Variants in SKP1 observed in about 807,000 individuals in gnomAD.
SKP1 encodes the protein S-phase kinase-associated protein 1.
Under a neutral mutation model 21.5 loss-of-function variants are expected in SKP1, and 1 was observed. The ratio of observed to expected loss-of-function variants is 0.05; its 90% confidence interval spans 0.02 to 0.22. SKP1 has a LOEUF of 0.22. Among genes scored for constraint, SKP1 ranks in the 10% least tolerant of loss-of-function variants. The pLI is 1.00. For synonymous variants in SKP1, 59 were observed against 59.3 expected, an observed-to-expected ratio of 0.99 and a Z score of 0.03; for missense variants, 70 against 192.0, an observed-to-expected ratio of 0.36 and a Z score of 3.76.
rs144001408 is a variant in SKP1 at position 134,149,407 on chromosome 5, T to C, written c.*8326A>G. 87 of 152,332 alleles carry C rather than the reference T, an allele frequency of 5.7e-4. No individual in the cohort carries two copies. The highest frequency in any genetic ancestry group is 2.0e-3 in the African/African-American group (82 of 41,566). The allele number at this position is 152,332 out of a possible 1,614,324, so 9.4% of individuals were successfully genotyped here. ...AAAAGGTGTCATGAAGGCACCTCAATAGGTCAGTCAACAAGTAGATGATAC... is the reference window on the plus strand; with the variant it reads ...AAAAGGTGTCATGAAGGCACCTCAACAGGTCAGTCAACAAGTAGATGATAC... On this transcript the variant is annotated 3_prime_UTR_variant, in exon 6 of 6. Transcript: ENST00000353411.
intron 3 of SKP1, 198 bp from the exon 4 acceptor site, chr5:134,161,328 A>G: frequency 2.1e-6 from 1 of 480,694 alleles, no homozygotes; most frequent in Non-Finnish European, 3.7e-6. Flanking sequence ...ATTAGATAAA[A>G]GCAAGCCATG....
intron 2 of SKP1, 130 bp downstream of exon 2, chr5:134,173,796 A>C (rs1377453483): frequency 1.4e-6 from 1 of 718,030 alleles, no homozygotes; most frequent in East Asian, 2.7e-5. Context: ...GTTATAAAGA[A>C]AAAAATGTAA....
rs991084537 is a variant in SKP1, at chr5:134,154,836, TAGAG to T, written c.*2893_*2896del. 6.6e-6 allele frequency: 1 copy of T among 152,184 alleles called. No individual in the cohort carries two copies. Among genetic ancestry groups the T allele is most frequent in the Non-Finnish European group, 1.5e-5 (1 of 68,030 alleles). The allele number at this position is 152,184 out of a possible 1,614,324, so 9.4% of individuals were successfully genotyped here. A position where few individuals can be genotyped will look rare whatever the true frequency, so the allele number is the denominator to read the frequency against. ...TTTCCTTTACTACTATAACAGTAAT[TAGAG>T]AAAGTCTTCATAATTCATCAGTAAC... On this transcript the variant is annotated 3_prime_UTR_variant, in exon 6 of 6. Transcript: ENST00000353411.
Position 134,153,658 on chromosome 5 carries a change from TC to T in SKP1, c.*4074del, listed in dbSNP as rs1489198087. 6.6e-6 allele frequency: 1 copy of T among 152,228 alleles called. No homozygotes were observed. Among genetic ancestry groups the T allele is most frequent in the Non-Finnish European group, 1.5e-5 (1 of 68,038 alleles). The allele number at this position is 152,228 out of a possible 1,614,324, so 9.4% of individuals were successfully genotyped here. A position where few individuals can be genotyped will look rare whatever the true frequency, so the allele number is the denominator to read the frequency against. On this transcript the variant is annotated 3_prime_UTR_variant, in exon 6 of 6. Coordinates refer to ENST00000353411, the MANE Select transcript of SKP1 (RefSeq NM_170679.3). ...CTGCTGCTCTCTCAATTTTCTCTTT[TC>T]TGGTGGAAAATCACCTTATATTCCC...
Position 134,176,915 on chromosome 5 carries a change from A to C in SKP1, c.-61T>G, listed in dbSNP as rs920432362. On this transcript the variant is annotated 5_prime_UTR_variant, in exon 1 of 6. Transcript: ENST00000353411. ...TGACGAGAGCCGGGAGGCGTTAGCG[A>C]AGGAAGAGAAAAACCGAAGACGAAG... The C allele has an allele frequency of 6.5e-6, 1 of 152,802 alleles. No homozygotes were observed. The highest frequency in any genetic ancestry group is 2.4e-5 in the African/African-American group (1 of 41,462). The allele number at this position is 152,802 out of a possible 1,614,324, so 9.5% of individuals were successfully genotyped here. A position where few individuals can be genotyped will look rare whatever the true frequency, so the allele number is the denominator to read the frequency against.
rs934960898 is a variant in SKP1, at chr5:134,155,701, T to C, written c.*2032A>G. ...GTGGTAATAACAAGCTCCAGTTTCT[T>C]AGAAGGTGATACTTCCTTTACAAGT... On this transcript the variant is annotated 3_prime_UTR_variant, in exon 6 of 6. Coordinates refer to ENST00000353411, the MANE Select transcript of SKP1 (RefSeq NM_170679.3). The C allele has an allele frequency of 1.3e-5, 2 of 152,238 alleles. No homozygotes were observed. The highest frequency in any genetic ancestry group is 2.9e-5 in the Non-Finnish European group (2 of 68,040). 9.4% of individuals were successfully genotyped at this position (152,238 alleles called of 1,614,324 possible). A position where few individuals can be genotyped will look rare whatever the true frequency, so the allele number is the denominator to read the frequency against.
At chr5:134,173,149 A>G (rs561237404) in intron 2 of SKP1, among the ~76,000 whole-genome samples, 3 of 152,112 alleles carry the variant, frequency 2.0e-5, no homozygotes, top group South Asian at 4.2e-4. Context: ...CCTGACCAAC[A>G]TGGAGAAACC....
chr5:134,158,143 G>A, intron 5 of SKP1: 1 of 1,373,798 alleles, frequency 7.3e-7, no homozygotes, highest in Non-Finnish European at 9.4e-7. Flanking sequence ...TCTCTCTAGG[G>A]CCTGCTTTTC....
intron 4 of SKP1, among the ~76,000 whole-genome samples, 165 bp downstream of exon 4, chr5:134,160,822 A>G (rs1761207013): frequency 6.6e-6 from 1 of 152,224 alleles, no homozygotes; most frequent in South Asian, 2.1e-4. Context: ...AACTGTGTTT[A>G]GACCATTTAC....
chr5:134,160,687 A>G (rs1761203724), intron 4 of SKP1, among the ~76,000 whole-genome samples: 1 of 152,108 alleles, frequency 6.6e-6, no homozygotes, highest in African/African-American at 2.4e-5. Context: ...CTTTCTTTTG[A>G]TTCGTGTTAG....
At chr5:134,158,153 C>T (rs1037161444) in intron 5 of SKP1, 11 of 1,377,786 alleles carry the variant, frequency 8.0e-6, no homozygotes, top group Non-Finnish European at 8.5e-6. Context: ...GCCTGCTTTT[C>T]TGATGTCAGA....
At chr5:134,164,191 G>A (rs897958900) in intron 3 of SKP1, among the ~76,000 whole-genome samples, 7 of 151,642 alleles carry the variant, frequency 4.6e-5, no homozygotes, top group Non-Finnish European at 7.4e-5. Flanking sequence ...GCGTGGTGGC[G>A]CGCGCCTGTA....
intron 4 of SKP1, among the ~76,000 whole-genome samples, chr5:134,160,310 T>A (rs1453259551): frequency 1.3e-5 from 2 of 152,086 alleles, no homozygotes; most frequent in East Asian, 3.9e-4. Context: ...TGAGCCAAAA[T>A]CATGCCACTG....
At chr5:134,157,807 T>C (rs1329473875) in intron 5 of SKP1, 39 bp from the exon 6 acceptor site, 25 of 1,611,650 alleles carry the variant, frequency 1.6e-5, no homozygotes, top group Non-Finnish European at 2.1e-5. Flanking sequence ...TTAACTTGAG[T>C]AGTCTTTCCT....
At chr5:134,172,593 G>A (rs1357073237) in intron 2 of SKP1, among the ~76,000 whole-genome samples, 2 of 150,754 alleles carry the variant, frequency 1.3e-5, no homozygotes, top group African/African-American at 4.9e-5. Context: ...AAAAAATTCT[G>A]CCTGGCAGAG....
intron 5 of SKP1, chr5:134,158,056 T>A (rs980292412): frequency 6.9e-7 from 1 of 1,456,730 alleles, no homozygotes; most frequent in African/African-American, 1.4e-5. Flanking sequence ...TCTGTAGTCA[T>A]GTCAACAAAA....
intron 3 of SKP1, among the ~76,000 whole-genome samples, chr5:134,164,881 GACA>G (rs1347739988): frequency 6.6e-6 from 1 of 152,158 alleles, no homozygotes; most frequent in Non-Finnish European, 1.5e-5. Context: ...AAGCTCATTA[GACA>G]ACAACATGGA....
Position 134,150,844 on chromosome 5 carries a change from A to G in SKP1, c.*6889T>C, listed in dbSNP as rs1761032343. 1 of 152,212 alleles carries G rather than the reference A, an allele frequency of 6.6e-6. No homozygotes were observed. The highest frequency in any genetic ancestry group is 6.5e-5 in the Admixed American group (1 of 15,284). The allele number at this position is 152,212 out of a possible 1,614,324, so 9.4% of individuals were successfully genotyped here. On this transcript the variant is annotated 3_prime_UTR_variant, in exon 6 of 6. Coordinates refer to ENST00000353411, the MANE Select transcript of SKP1 (RefSeq NM_170679.3). ...TACTAACAAACCATTACTGGCAGTGAGCATCTGAAAATACTCAAAACGGCA... is the reference window on the plus strand; with the variant it reads ...TACTAACAAACCATTACTGGCAGTGGGCATCTGAAAATACTCAAAACGGCA...
chr5:134,170,765 T>A (rs902278540), intron 2 of SKP1, among the ~76,000 whole-genome samples: 1 of 152,230 alleles, frequency 6.6e-6, no homozygotes, highest in Non-Finnish European at 1.5e-5. Context: ...TGATCAAAGC[T>A]GGCATGGTAA....
Sources: allele counts gnomAD v4.1 joint callset (sites outside exome capture counted in the v4.1 genomes callset), GRCh38; gene constraint gnomAD v4.1.1; transcripts MANE v1.5; gene names NCBI Gene and HGNC (gene_info 2026-07-23, HGNC 2026-07-21).